The following PHLDB2 variants were observed in gnomAD, a reference collection of about 807,000 sequenced individuals.
PHLDB2 encodes the protein pleckstrin homology like domain family B member 2, also known as pleckstrin homology-like domain family B member 2.
Under a neutral mutation model 123.6 loss-of-function variants are expected in PHLDB2, and 71 were observed. That is an observed-to-expected ratio of 0.57 (90% CI 0.47 to 0.70). The LOEUF (loss-of-function observed/expected upper bound fraction) is 0.70. PHLDB2 is among the 30% of genes least tolerant of loss of function. The pLI is 0.00. For synonymous variants in PHLDB2, 547 were observed against 541.6 expected (o/e 1.01, Z -0.14); for missense variants, 1,446 against 1,519.5 (o/e 0.95, Z 0.80).
intron 1 of PHLDB2, among the ~76,000 whole-genome samples, chr3:111,771,062 T>C (rs1360934359): frequency 6.6e-6 from 1 of 152,210 alleles, no homozygotes; most frequent in African/African-American, 2.4e-5. Context: ...TTAGTTCTCA[T>C]GAAAGTTCCA....
chr3:111,939,606 T>C lies in PHLDB2; in HGVS notation c.2262T>C (p.Tyr754=), dbSNP rs1165440940. 1.2e-6 allele frequency: 2 copies of C among 1,611,406 alleles called. No individual in the cohort carries two copies. The highest frequency in any genetic ancestry group is 1.7e-6 in the Non-Finnish European group (2 of 1,179,398). The change falls in exon 7 of 18, where the codon TAT becomes TAC. Residue 754 remains tyrosine (Y), a synonymous_variant. Coordinates refer to ENST00000431670, the MANE Select transcript of PHLDB2 (RefSeq NM_001134438.2). ...AGCTCCTGCGTGAAGTTGCTGAATA[T>C]CAACGGAACATCGTTTCTAGAAAGG... The part of the protein sequence containing the change: ...TQQLLREVAE[Y]QRNIVSRKEK...
Position 111,966,527 on chromosome 3 carries a change from G to GGTGTGTGTGTGT in PHLDB2, c.3078-75_3078-64dup. 4.8e-6 allele frequency: 3 copies of GGTGTGTGTGTGT among 618,596 alleles called. No individual in the cohort carries two copies. In the South Asian group the frequency reaches 6.7e-5, roughly 14 times the overall value. The allele number at this position is 618,596 out of a possible 1,614,324, so 38.3% of individuals were successfully genotyped here. A position where few individuals can be genotyped will look rare whatever the true frequency, so the allele number is the denominator to read the frequency against. Reference sequence around the variant, plus strand: ...TGTGTGTGTGTGTGTGTGTGTCTGGGGTGTGTGTGTGTGTGTGTGTGTATG... The same window carrying GGTGTGTGTGTGT: ...TGTGTGTGTGTGTGTGTGTGTCTGGGGTGTGTGTGTGTGTGTGTGTGTGTGTGTGTGTGTATG... On this transcript the variant is annotated intron_variant, in intron 13 of 17. Coordinates refer to ENST00000431670, the MANE Select transcript of PHLDB2 (RefSeq NM_001134438.2).
intron 1 of PHLDB2, 188 bp from the exon 2 acceptor site, chr3:111,883,876 G>A (rs2066052202): frequency 3.5e-6 from 2 of 567,834 alleles, no homozygotes; most frequent in South Asian, 4.9e-5. Flanking sequence ...AGTTATCTCA[G>A]GTCAATGATC....
intron 1 of PHLDB2, among the ~76,000 whole-genome samples, chr3:111,869,521 G>C (rs923076157): frequency 2.6e-5 from 4 of 152,206 alleles, no homozygotes; most frequent in Non-Finnish European, 5.9e-5. Context: ...TGTAATCGGT[G>C]TCCTGAGATA....
intron 1 of PHLDB2, among the ~76,000 whole-genome samples, chr3:111,838,958 A>G (rs57866569): frequency 1.2e-3 from 181 of 152,272 alleles, no homozygotes; most frequent in African/African-American, 4.3e-3. Context: ...CATTTAACAT[A>G]TTTCTATTTT....
chr3:111,906,612 G>T (rs1430799610), intron 2 of PHLDB2, among the ~76,000 whole-genome samples: 2 of 152,194 alleles, frequency 1.3e-5, no homozygotes, highest in African/African-American at 4.8e-5. Flanking sequence ...TTGAGAAAGG[G>T]TATTGAAAAA....
chr3:111,921,411 T>C (rs923555573), intron 5 of PHLDB2, among the ~76,000 whole-genome samples: 1 of 152,184 alleles, frequency 6.6e-6, no homozygotes, highest in Non-Finnish European at 1.5e-5. Context: ...TGACTTCCTT[T>C]TTAGGCTCTT....
chr3:111,946,401 C>CA (rs1008999976), intron 9 of PHLDB2, among the ~76,000 whole-genome samples: 14 of 151,598 alleles, frequency 9.2e-5, no homozygotes, highest in East Asian at 1.9e-4. Flanking sequence ...TTTGCACAAT[C>CA]AAAAAAAACC....
chr3:111,905,228 A>T (rs1212516884), intron 2 of PHLDB2, among the ~76,000 whole-genome samples: 1 of 152,158 alleles, frequency 6.6e-6, no homozygotes, highest in East Asian at 1.9e-4. Context: ...GTTGACTACT[A>T]TTTTGTTCTG....
chr3:111,898,190 G>T (rs890931467), intron 2 of PHLDB2, among the ~76,000 whole-genome samples: 1 of 149,782 alleles, frequency 6.7e-6, no homozygotes, highest in Non-Finnish European at 1.5e-5. Flanking sequence ...GTTTGTGTGT[G>T]TGTGTGTGTG....
chr3:111,819,670 G>A (rs1017468812), intron 1 of PHLDB2, among the ~76,000 whole-genome samples: 2 of 152,106 alleles, frequency 1.3e-5, no homozygotes, highest in Non-Finnish European at 2.9e-5. Flanking sequence ...ATTCTCTATG[G>A]ATATACTATG....
intron 13 of PHLDB2, among the ~76,000 whole-genome samples, chr3:111,965,833 T>G (rs1461405946): frequency 1.3e-5 from 2 of 152,266 alleles, no homozygotes; most frequent in Non-Finnish European, 2.9e-5. Context: ...TCCTGTTTTG[T>G]GTTAAACATT....
rs921553958 is a variant in PHLDB2, at chr3:111,969,814, G to A, written c.3440G>A (p.Arg1147Gln). 3.7e-6 allele frequency: 6 copies of A among 1,614,048 alleles called. No individual in the cohort carries two copies. Among genetic ancestry groups the A allele is most frequent in the Admixed American group, 1.7e-5 (1 of 60,008 alleles). ...YHVSITEKTC[R>Q]GFLIKMGGKI... Reference sequence around the variant, plus strand: ...GTATCAATCACAGAGAAGACCTGCCGAGGATTCCTCATCAAAATGGGTGGG... The same window carrying A: ...GTATCAATCACAGAGAAGACCTGCCAAGGATTCCTCATCAAAATGGGTGGG... Residue 1147 changes from arginine (R) to glutamine (Q), a missense_variant, in exon 16 of 18, where the codon CGA becomes CAA. By Grantham distance (43) the Arg-to-Gln change is conservative. This residue lies in a region of PHLDB2 where 594 missense variants were observed against 646.0 expected (regional missense o/e 0.92). Coordinates refer to ENST00000431670, the MANE Select transcript of PHLDB2 (RefSeq NM_001134438.2).
At chr3:111,973,888 T>C in intron 17 of PHLDB2, 71 bp downstream of exon 17, 1 of 985,502 alleles carries the variant, frequency 1.0e-6, no homozygotes, top group Non-Finnish European at 1.6e-6. Context: ...TTTTGGAGTC[T>C]AAGAAGTTTG....
At position 111,967,715 on chromosome 3, in the gene PHLDB2, A is replaced by G. The variant is rs1230081902; in HGVS notation, c.3206A>G (p.Glu1069Gly). The G allele has an allele frequency of 5.6e-6, 9 of 1,612,476 alleles. No homozygotes were observed. Among genetic ancestry groups the G allele is most frequent in the Middle Eastern group, 1.6e-4 (1 of 6,072 alleles). ...EMEAKKRALE[E>G]EKRRREILEK... ...GAAGCCAAAAAACGAGCCCTGGAAGAAGAAAAACGACGCCGGGAAATCCTG... is the reference window on the plus strand; with the variant it reads ...GAAGCCAAAAAACGAGCCCTGGAAGGAGAAAAACGACGCCGGGAAATCCTG... The change falls in exon 15 of 18, where the codon GAA becomes GGA. Residue 1069 changes from glutamate (E) to glycine (G), a missense_variant. Transcript: ENST00000431670.
chr3:111,870,598 A>G (rs1449680846), intron 1 of PHLDB2, among the ~76,000 whole-genome samples: 1 of 152,038 alleles, frequency 6.6e-6, no homozygotes, highest in African/African-American at 2.4e-5. Context: ...ATTGTTGTCC[A>G]CTATAAAGCT....
intron 1 of PHLDB2, among the ~76,000 whole-genome samples, chr3:111,810,157 C>T (rs969966192): frequency 1.3e-5 from 2 of 152,066 alleles, no homozygotes; most frequent in African/African-American, 2.4e-5. Flanking sequence ...GGCTATTAAG[C>T]CAAATGCAAG....
At position 111,909,657 on chromosome 3, in the gene PHLDB2, C is replaced by T. The variant is rs370395819; in HGVS notation, c.1336-3662C>T. 1.1e-4 allele frequency among the ~76,000 whole-genome samples: 16 copies of T among 151,800 alleles called. No homozygotes were observed. In the East Asian group the frequency reaches 1.9e-3, roughly 18 times the overall value. The stretch of plus-strand genomic sequence containing the variant: ...TTTTTTCATTTATGGATCCCCAGCA[C>T]GTTACTAGACAATAAGTAAGTTAGT... On this transcript the variant is annotated intron_variant, in intron 2 of 17. Coordinates refer to ENST00000431670, the MANE Select transcript of PHLDB2 (RefSeq NM_001134438.2).
At chr3:111,898,221 C>T (rs1004137511) in intron 2 of PHLDB2, among the ~76,000 whole-genome samples, 1 of 143,406 alleles carries the variant, frequency 7.0e-6, no homozygotes, top group African/African-American at 2.6e-5. Context: ...GCTCTGTCTC[C>T]CAGGCTGGAG....
Sources: allele counts gnomAD v4.1 joint callset (sites outside exome capture counted in the v4.1 genomes callset), GRCh38; gene constraint gnomAD v4.1.1; regional missense constraint gnomAD v4.1.1; transcripts MANE v1.5; gene names NCBI Gene and HGNC (gene_info 2026-07-23, HGNC 2026-07-21).